The following NFAM1 variants were observed in gnomAD, a reference collection of about 807,000 sequenced individuals.
The protein encoded by NFAM1 is NFAT activation molecule 1.
Under a neutral mutation model 29.0 loss-of-function variants are expected in NFAM1, and 17 were observed. That is an observed-to-expected ratio of 0.59 (90% CI 0.40 to 0.88). The LOEUF is 0.88. NFAM1 is among the 40% of genes least tolerant of loss of function. NFAM1 has a pLI of 0.00. For synonymous variants in NFAM1, 175 were observed against 147.2 expected (o/e 1.19, Z -1.36); for missense variants, 324 against 344.6 (o/e 0.94, Z 0.47).
intron 4 of NFAM1, among the ~76,000 whole-genome samples, chr22:42,396,390 T>C (rs898836523): frequency 9.9e-5 from 15 of 152,154 alleles, no homozygotes; most frequent in African/African-American, 3.4e-4. Context: ...TTTGTATATA[T>C]TTATAGAAAA....
chr22:42,408,955 T>C (rs1929987858), intron 3 of NFAM1, among the ~76,000 whole-genome samples: 2 of 152,094 alleles, frequency 1.3e-5, no homozygotes, highest in Admixed American at 6.6e-5. Context: ...CATGGAGCTA[T>C]GCTGGAGGGT....
At position 42,420,757 on chromosome 22, in the gene NFAM1, G is replaced by A. The variant is rs796984249; in HGVS notation, c.122-9021C>T. Among the ~76,000 whole-genome samples the A allele has an allele frequency of 2.3e-3, 294 of 130,440 alleles. 2 individuals carry two copies. Among genetic ancestry groups the A allele is most frequent in the African/African-American group, 9.6e-3 (278 of 28,992 alleles). 85.6% of individuals were successfully genotyped at this position (130,440 alleles called of 152,430 possible). ...TGCACTCCAGCCTGTGTGACAGAGC[G>A]AGACTCTGTCACAAACAAACAAACA... is the stretch of plus-strand genomic sequence containing the variant. On this transcript the variant is annotated intron_variant, in intron 1 of 5. Coordinates refer to ENST00000329021, the MANE Select transcript of NFAM1 (RefSeq NM_145912.8).
intron 4 of NFAM1, among the ~76,000 whole-genome samples, chr22:42,394,096 C>T (rs547614614): frequency 1.6e-4 from 25 of 152,210 alleles, no homozygotes; most frequent in African/African-American, 5.1e-4. Context: ...AGTGCAATGG[C>T]GCAATCTTGG....
chr22:42,415,294 CTTTTTTTTTTTTTT>C (rs398037250), intron 1 of NFAM1, among the ~76,000 whole-genome samples: 1 of 94,832 alleles, frequency 1.1e-5, no homozygotes, highest in East Asian at 2.8e-4. Context: ...TTCTTTCTTT[CTTTTTTTTTTTTTT>C]TTTTTTTTTG....
At chr22:42,402,129 G>A (rs893816062) in intron 3 of NFAM1, among the ~76,000 whole-genome samples, 2 of 152,222 alleles carry the variant, frequency 1.3e-5, no homozygotes, top group African/African-American at 4.8e-5. Flanking sequence ...GAGGGTGATG[G>A]AGCCCAGCCT....
At chr22:42,400,592 G>C (rs541459378) in intron 3 of NFAM1, among the ~76,000 whole-genome samples, 9 of 152,278 alleles carry the variant, frequency 5.9e-5, no homozygotes, top group Admixed American at 3.9e-4. Flanking sequence ...ACTCCAGCCT[G>C]GGCAAAAAGA....
intron 1 of NFAM1, among the ~76,000 whole-genome samples, chr22:42,431,627 G>A (rs1349828682): frequency 6.6e-6 from 1 of 152,224 alleles, no homozygotes; most frequent in East Asian, 1.9e-4. Flanking sequence ...CTGGAACCAG[G>A]AAAGGAGCGC....
the NFAM1 span, among the ~76,000 whole-genome samples, chr22:42,437,434 T>A: frequency 1.3e-5 from 2 of 152,032 alleles, no homozygotes; most frequent in African/African-American, 4.8e-5. Context: ...TGACCTACCA[T>A]ACCCGGCCAC....
At chr22:42,428,213 C>T (rs1009518732) in intron 1 of NFAM1, among the ~76,000 whole-genome samples, 1 of 152,224 alleles carries the variant, frequency 6.6e-6, no homozygotes, top group African/African-American at 2.4e-5. Context: ...TTTGGGCTCT[C>T]AGCCCTCATT....
intron 1 of NFAM1, among the ~76,000 whole-genome samples, chr22:42,421,478 G>T (rs1332574157): frequency 6.7e-6 from 1 of 150,194 alleles, no homozygotes; most frequent in Non-Finnish European, 1.5e-5. Context: ...AAAAAGAGAA[G>T]AAAAGAAGAA....
At position 42,419,669 on chromosome 22, in the gene NFAM1, G is replaced by T. The variant is rs781260348; in HGVS notation, c.122-7933C>A. 1.3e-5 allele frequency among the ~76,000 whole-genome samples: 2 copies of T among 152,134 alleles called. No homozygotes were observed. Among genetic ancestry groups the T allele is most frequent in the Non-Finnish European group, 2.9e-5 (2 of 68,000 alleles). On this transcript the variant is annotated intron_variant, in intron 1 of 5. Coordinates refer to ENST00000329021, the MANE Select transcript of NFAM1 (RefSeq NM_145912.8). The surrounding 1 kb of genome is among the most constrained non-coding windows in gnomAD (Gnocchi z 4.5). ...AGACGTCAGCCTGCCACACTCCGGC[G>T]CCTTCGCCCGTGCTGTTCCGGCTGT...
chr22:42,430,710 T>C (rs1930770282), intron 1 of NFAM1, among the ~76,000 whole-genome samples: 1 of 152,068 alleles, frequency 6.6e-6, no homozygotes, highest in Non-Finnish European at 1.5e-5. Context: ...GGGGTGGCAC[T>C]GGGAATGTTT....
Position 42,384,655 on chromosome 22 carries a change from G to T in NFAM1, c.*506C>A. 5.9e-6 allele frequency: 1 copy of T among 168,994 alleles called. No individual in the cohort carries two copies. Among genetic ancestry groups the T allele is most frequent in the Non-Finnish European group, 1.3e-5 (1 of 77,946 alleles). 10.5% of individuals were successfully genotyped at this position (168,994 alleles called of 1,614,324 possible). A position where few individuals can be genotyped will look rare whatever the true frequency, so the allele number is the denominator to read the frequency against. The stretch of plus-strand genomic sequence containing the variant: ...CTCCCACCCTGCCTGGCTGCCTCGT[G>T]CCTCTGGCCCAGCTGGGTAGGTAGG... On this transcript the variant is annotated 3_prime_UTR_variant, in exon 6 of 6. Coordinates refer to ENST00000329021, the MANE Select transcript of NFAM1 (RefSeq NM_145912.8).
intron 4 of NFAM1, among the ~76,000 whole-genome samples, chr22:42,391,945 CAAAAA>C (rs58006775): frequency 1.4e-5 from 1 of 68,966 alleles, no homozygotes; most frequent in African/African-American, 5.1e-5. Context: ...GACTCTGTCT[CAAAAA>C]AAAAAAAAAA....
At chr22:42,436,482 C>G (rs1359883023), upstream of NFAM1, among the ~76,000 whole-genome samples, 8 of 152,210 alleles carry the variant, frequency 5.3e-5, no homozygotes, top group South Asian at 1.0e-3. Context: ...GGGTTTACCT[C>G]TGGGGCCGTC....
Position 42,386,893 on chromosome 22 carries a change from G to A in NFAM1, c.753+96C>T. ...GATGGCTGGGATTCCACAGCAGGTG[G>A]CTCACTTCCATGTCCCATTTGCCCC... On this transcript the variant is annotated intron_variant, in intron 5 of 5. Coordinates refer to ENST00000329021, the MANE Select transcript of NFAM1 (RefSeq NM_145912.8). 4.6e-6 allele frequency: 3 copies of A among 654,756 alleles called. No individual in the cohort carries two copies. In the East Asian group the frequency reaches 9.1e-5, roughly 20 times the overall value. 40.6% of individuals were successfully genotyped at this position (654,756 alleles called of 1,614,324 possible).
chr22:42,437,141 CTTTTT>C (rs566611914), upstream of NFAM1: 6 of 155,384 alleles, frequency 3.9e-5, no homozygotes, highest in Admixed American at 8.1e-5. Flanking sequence ...TTCTTTTTGT[CTTTTT>C]TTTTTTTTTT....
At chr22:42,430,929 G>A (rs1038825746) in intron 1 of NFAM1, among the ~76,000 whole-genome samples, 5 of 152,216 alleles carry the variant, frequency 3.3e-5, no homozygotes, top group South Asian at 2.1e-4. Flanking sequence ...GGGTCTGGCC[G>A]TGTTTGCACC....
intron 1 of NFAM1, among the ~76,000 whole-genome samples, chr22:42,420,520 C>T (rs555578355): frequency 6.6e-6 from 1 of 151,872 alleles, no homozygotes; most frequent in Admixed American, 6.6e-5. Context: ...AATCCCAGCA[C>T]TTTGGGAGGC....
Sources: allele counts gnomAD v4.1 joint callset (sites outside exome capture counted in the v4.1 genomes callset), GRCh38; gene constraint gnomAD v4.1.1; non-coding constraint Gnocchi (gnomAD v3.1); transcripts MANE v1.5; gene names NCBI Gene and HGNC (gene_info 2026-07-23, HGNC 2026-07-21).